The following NUBPL variants were observed in gnomAD, a reference collection of about 807,000 sequenced individuals.
NUBPL encodes the protein NUBP iron-sulfur cluster assembly factor, mitochondrial.
Under a neutral mutation model 45.7 loss-of-function variants are expected in NUBPL, and 31 were observed. That is an observed-to-expected ratio of 0.68 (90% CI 0.51 to 0.92). The LOEUF is 0.92. Ranked by LOEUF, NUBPL falls within the 40% of genes least tolerant of loss-of-function variation. NUBPL has a pLI of 0.00. For missense variants in NUBPL, 401 were observed against 398.7 expected (o/e 1.01, Z -0.05); for synonymous variants, 144 against 140.9 (o/e 1.02, Z -0.15).
chr14:31,817,317 AAC>A (rs1156375296), intron 7 of NUBPL, among the ~76,000 whole-genome samples: 5 of 152,138 alleles, frequency 3.3e-5, no homozygotes, highest in African/African-American at 1.2e-4. Context: ...AAATTCAAGA[AAC>A]ACAGAGAACA....
intron 6 of NUBPL, among the ~76,000 whole-genome samples, chr14:31,785,868 A>G (rs1259941242): frequency 6.6e-6 from 1 of 152,180 alleles, no homozygotes; most frequent in African/African-American, 2.4e-5. Context: ...TTTTAAAAGT[A>G]TGATTATAGG....
intron 7 of NUBPL, among the ~76,000 whole-genome samples, chr14:31,790,545 T>C (rs183031904): frequency 9.8e-5 from 15 of 152,294 alleles, no homozygotes; most frequent in Middle Eastern, 3.4e-3. Context: ...ACTGAAACTC[T>C]GGAGCTATTA....
chr14:31,610,648 C>T (rs933142084), intron 4 of NUBPL, among the ~76,000 whole-genome samples: 1 of 149,768 alleles, frequency 6.7e-6, no homozygotes, highest in Non-Finnish European at 1.5e-5. Flanking sequence ...AACTGCAGGC[C>T]ACCTTCTCTG....
At position 31,782,120 on chromosome 14, in the gene NUBPL, G is replaced by T. The variant is rs113077216; in HGVS notation, c.514-5660G>T. 3.9e-4 allele frequency among the ~76,000 whole-genome samples: 59 copies of T among 152,238 alleles called. 1 individual carries two copies. The highest frequency in any genetic ancestry group is 1.3e-3 in the African/African-American group (52 of 41,528). ...TTCTTATTAAAAACACACCTGGCCA[G>T]GTGCAGTGCCTGACGCCTGTAATCC... is the stretch of plus-strand genomic sequence containing the variant. On this transcript the variant is annotated intron_variant, in intron 6 of 10. Coordinates refer to ENST00000281081, the MANE Select transcript of NUBPL (RefSeq NM_025152.3).
intron 6 of NUBPL, among the ~76,000 whole-genome samples, chr14:31,717,899 A>T (rs889334966): frequency 1.3e-5 from 2 of 152,186 alleles, no homozygotes; most frequent in Non-Finnish European, 2.9e-5. Context: ...TGGACATCAG[A>T]TCACAGAAAC....
intron 4 of NUBPL, among the ~76,000 whole-genome samples, chr14:31,619,308 T>G (rs1226739572): frequency 6.6e-6 from 1 of 152,192 alleles, no homozygotes; most frequent in East Asian, 1.9e-4. Flanking sequence ...TTGTTATGTG[T>G]GAATTTGATC....
intron 10 of NUBPL, among the ~76,000 whole-genome samples, chr14:31,855,732 A>G (rs189022182): frequency 6.6e-6 from 1 of 152,264 alleles, no homozygotes; most frequent in Non-Finnish European, 1.5e-5. Context: ...AAATGAAGAC[A>G]TGCGAAACAC....
chr14:31,840,183 G>T (rs2040346052), intron 8 of NUBPL, among the ~76,000 whole-genome samples: 1 of 152,132 alleles, frequency 6.6e-6, no homozygotes, highest in Non-Finnish European at 1.5e-5. Flanking sequence ...ATTCACAATA[G>T]CCAAGATATG....
intron 4 of NUBPL, among the ~76,000 whole-genome samples, chr14:31,632,565 C>T (rs2035373331): frequency 6.6e-6 from 1 of 152,146 alleles, no homozygotes; most frequent in Admixed American, 6.6e-5. Flanking sequence ...TTTCAAGATA[C>T]ACAAAGTTTG....
chr14:31,581,989 C>G (rs1346637607), intron 3 of NUBPL, among the ~76,000 whole-genome samples: 1 of 152,084 alleles, frequency 6.6e-6, no homozygotes, highest in Admixed American at 6.5e-5. Flanking sequence ...TGATATAGCA[C>G]ATTAGTTTTA....
intron 3 of NUBPL, among the ~76,000 whole-genome samples, chr14:31,585,445 C>G (rs565821832): frequency 6.6e-6 from 1 of 152,278 alleles, no homozygotes; most frequent in Admixed American, 6.5e-5. Context: ...TCGATTTCAT[C>G]AGTCGATGGA....
At chr14:31,665,706 C>T (rs2036391924) in intron 4 of NUBPL, among the ~76,000 whole-genome samples, 1 of 152,022 alleles carries the variant, frequency 6.6e-6, no homozygotes, top group Non-Finnish European at 1.5e-5. Flanking sequence ...TGTGTATTCT[C>T]TTGATTTGGG....
intron 6 of NUBPL, among the ~76,000 whole-genome samples, chr14:31,732,606 T>TCC (rs1374528026): frequency 8.9e-5 from 10 of 112,738 alleles, no homozygotes; most frequent in African/African-American, 3.3e-4. Flanking sequence ...ATCAATTTGT[T>TCC]CTCTTTTTTT....
At chr14:31,853,979 A>T (rs1400156263) in intron 10 of NUBPL, among the ~76,000 whole-genome samples, 1 of 152,234 alleles carries the variant, frequency 6.6e-6, no homozygotes, top group African/African-American at 2.4e-5. Context: ...TTGTGGTTTT[A>T]TCCTTTTTAT....
At chr14:31,771,891 A>G in intron 6 of NUBPL, 3 of 985,268 alleles carry the variant, frequency 3.0e-6, no homozygotes, top group Non-Finnish European at 3.6e-6. Flanking sequence ...GAACTGAGGA[A>G]TAAACTTGGT....
intron 4 of NUBPL, among the ~76,000 whole-genome samples, chr14:31,646,721 C>T (rs1252063301): frequency 6.6e-6 from 1 of 151,982 alleles, no homozygotes; most frequent in Non-Finnish European, 1.5e-5. Flanking sequence ...TTGGTGTTCT[C>T]TGATCTTCCT....
At chr14:31,661,355 C>T (rs1187478139) in intron 4 of NUBPL, among the ~76,000 whole-genome samples, 1 of 152,160 alleles carries the variant, frequency 6.6e-6, no homozygotes, top group East Asian at 1.9e-4. Flanking sequence ...TGTTAACTTT[C>T]ACTTGTTAGT....
intron 3 of NUBPL, among the ~76,000 whole-genome samples, chr14:31,569,408 G>A (rs760969405): frequency 3.6e-4 from 55 of 152,064 alleles, no homozygotes; most frequent in Non-Finnish European, 7.2e-4. Flanking sequence ...TATTGGTCAG[G>A]CTGGTCTGAA....
At chr14:31,749,117 A>C (rs1469078231) in intron 6 of NUBPL, among the ~76,000 whole-genome samples, 1 of 152,228 alleles carries the variant, frequency 6.6e-6, no homozygotes, top group African/African-American at 2.4e-5. Flanking sequence ...ATTTAATAAC[A>C]GTCAAGATTA....
Sources: allele counts gnomAD v4.1 joint callset (sites outside exome capture counted in the v4.1 genomes callset), GRCh38; gene constraint gnomAD v4.1.1; transcripts MANE v1.5; gene names NCBI Gene and HGNC (gene_info 2026-07-23, HGNC 2026-07-21).